Variants in NEDD1 observed in about 807,000 individuals in gnomAD.
The protein encoded by NEDD1 is NEDD1 gamma-tubulin ring complex targeting factor.
A neutral mutation model predicts 74.0 loss-of-function variants in NEDD1; 33 were observed. That is an observed-to-expected ratio of 0.45 (90% CI 0.34 to 0.60). The LOEUF is 0.60. Ranked by LOEUF, NEDD1 falls within the 20% of genes least tolerant of loss-of-function variation. The pLI is 0.01. For missense variants in NEDD1, 746 were observed against 776.5 expected (o/e 0.96, Z 0.47); for synonymous variants, 250 against 264.4 (o/e 0.95, Z 0.53).
chr12:96,932,829 A>G (rs146521457), intron 6 of NEDD1, among the ~76,000 whole-genome samples: 2 of 151,906 alleles, frequency 1.3e-5, no homozygotes, highest in Non-Finnish European at 2.9e-5. Flanking sequence ...CAGAAATGCT[A>G]TTTAATCCTC....
At chr12:96,945,888 C>A (rs911116179) in intron 14 of NEDD1, 39 bp downstream of exon 14, 3 of 1,362,232 alleles carry the variant, frequency 2.2e-6, no homozygotes, top group South Asian at 1.3e-5. Context: ...CTAGACCTTA[C>A]TTGTTTTTTT....
intron 14 of NEDD1, among the ~76,000 whole-genome samples, 196 bp from the exon 15 acceptor site, chr12:96,951,236 G>A (rs748148778): frequency 1.1e-4 from 17 of 151,746 alleles, no homozygotes; most frequent in South Asian, 2.1e-4. Flanking sequence ...TATTTTAAAC[G>A]AGTTCTTACA....
intron 4 of NEDD1, among the ~76,000 whole-genome samples, chr12:96,913,864 A>G (rs1874177182): frequency 6.6e-6 from 1 of 152,056 alleles, no homozygotes; most frequent in South Asian, 2.1e-4. Flanking sequence ...ATGAATTGTC[A>G]TAATTTTACA....
At chr12:96,951,269 C>T (rs1340460555) in intron 14 of NEDD1, among the ~76,000 whole-genome samples, 163 bp from the exon 15 acceptor site, 3 of 151,782 alleles carry the variant, frequency 2.0e-5, no homozygotes, top group Non-Finnish European at 4.4e-5. Context: ...GAAACAGTGC[C>T]TAGCACATAG....
In NEDD1 at chr12:96,940,412, T is replaced by G. The variant is rs1228070268; in HGVS notation, c.1121T>G (p.Leu374Trp). 6.3e-7 allele frequency: 1 copy of G among 1,578,312 alleles called. No individual in the cohort carries two copies. The highest frequency in any genetic ancestry group is 1.4e-5 in the African/African-American group (1 of 73,912). ...TTTTATATCTAATTCCTATAAGGTT[T>G]GCCTCGAAGCATAAACACAGACACT... ...GTVAVQEKAG[L>W]PRSINTDTLS... The change falls in exon 10 of 16, where the codon TTG (leucine) becomes TGG (tryptophan). Residue 374 changes from leucine to tryptophan, a missense_variant. Physicochemically the swap from Leu to Trp is moderately conservative, Grantham distance 61. Coordinates refer to ENST00000266742, the MANE Select transcript of NEDD1 (RefSeq NM_152905.4).
rs192554506 is a variant in NEDD1 at position 96,948,264 on chromosome 12, C to T, written c.1811+2415C>T. Among the ~76,000 whole-genome samples, 69 of 152,204 alleles carry T rather than the reference C, an allele frequency of 4.5e-4. 1 individual carries two copies. The highest frequency in any genetic ancestry group is 3.9e-3 in the Admixed American group (59 of 15,280). On this transcript the variant is annotated intron_variant, in intron 14 of 15. Coordinates refer to ENST00000266742, the MANE Select transcript of NEDD1 (RefSeq NM_152905.4). ...CTTGTCCCTACTTTTTTTACATGAG[C>T]GCTGAATGAAGGCTTGTGGGAAAAA...
At chr12:96,917,890 C>A (rs1312214957) in intron 5 of NEDD1, among the ~76,000 whole-genome samples, 153 bp downstream of exon 5, 1 of 152,050 alleles carries the variant, frequency 6.6e-6, no homozygotes, top group African/African-American at 2.4e-5. Flanking sequence ...TGCTATTTAG[C>A]CAAAAACTTA....
chr12:96,949,086 G>A (rs1878466375), intron 14 of NEDD1, among the ~76,000 whole-genome samples: 1 of 152,078 alleles, frequency 6.6e-6, no homozygotes, highest in Non-Finnish European at 1.5e-5. Context: ...CCCCCACCCA[G>A]CGAGACTATC....
intron 14 of NEDD1, among the ~76,000 whole-genome samples, chr12:96,948,253 T>C (rs1878388142): frequency 6.6e-6 from 1 of 152,182 alleles, no homozygotes; most frequent in African/African-American, 2.4e-5. Context: ...TCCCTACTTT[T>C]TTTACATGAG....
At chr12:96,912,479 G>A (rs113493649) in intron 3 of NEDD1, 4 of 319,730 alleles carry the variant, frequency 1.3e-5, no homozygotes, top group African/African-American at 8.6e-5. Context: ...ATTTCACGTG[G>A]GTTAAATAGC....
chr12:96,923,032 A>G (rs1875275351), intron 6 of NEDD1, among the ~76,000 whole-genome samples: 1 of 152,016 alleles, frequency 6.6e-6, no homozygotes. Context: ...CAGGATGATC[A>G]CTTGAGCCTG....
chr12:96,907,569 T>C, intron 1 of NEDD1, 35 bp from the exon 2 acceptor site: 1 of 1,545,416 alleles, frequency 6.5e-7, no homozygotes, highest in Non-Finnish European at 8.8e-7. Context: ...GTCTGTCTCC[T>C]TTTTTGTCAA....
Position 96,930,633 on chromosome 12 carries a change from C to T in NEDD1, c.490-4343C>T, listed in dbSNP as rs540544592. Among the ~76,000 whole-genome samples the T allele has an allele frequency of 4.2e-4, 64 of 152,224 alleles. 1 individual carries two copies. The South Asian group carries it at 0.013, about 31-fold the overall frequency. ...TCCCAGAAGGAAATTAGGTGTTCAG[C>T]TGTGGTTCAGCCTTAAACCATATCT... On this transcript the variant is annotated intron_variant, in intron 6 of 15. Transcript: ENST00000266742.
At chr12:96,913,803 G>C (rs1874167681) in intron 4 of NEDD1, among the ~76,000 whole-genome samples, 1 of 151,760 alleles carries the variant, frequency 6.6e-6, no homozygotes, top group Admixed American at 6.6e-5. Flanking sequence ...TATGGTAGTT[G>C]ATAGCTTTTT....
intron 6 of NEDD1, among the ~76,000 whole-genome samples, chr12:96,928,693 T>C (rs1284718258): frequency 6.9e-6 from 1 of 145,790 alleles, no homozygotes; most frequent in East Asian, 2.0e-4. Flanking sequence ...TTTTTTTTTT[T>C]TTTTTTTTTT....
intron 6 of NEDD1, chr12:96,924,963 TTA>T: frequency 2.5e-6 from 1 of 397,618 alleles, no homozygotes; most frequent in South Asian, 1.9e-5. Context: ...TAGATATCCT[TTA>T]TCTTATTAGG....
rs1018520298 is a variant in NEDD1, at chr12:96,952,662, A to G, written c.*609A>G. Reference sequence around the variant, plus strand: ...TGATATCTTTTGCATTTATGTTACTATATTGTACTTCTGACAAATCTTTAT... The same window carrying G: ...TGATATCTTTTGCATTTATGTTACTGTATTGTACTTCTGACAAATCTTTAT... On this transcript the variant is annotated 3_prime_UTR_variant, in exon 16 of 16. Transcript: ENST00000266742. 2 of 151,756 alleles carry G rather than the reference A, an allele frequency of 1.3e-5. No homozygotes were observed. Among genetic ancestry groups the G allele is most frequent in the Non-Finnish European group, 3.0e-5 (2 of 67,724 alleles). 9.4% of individuals were successfully genotyped at this position (151,756 alleles called of 1,614,324 possible).
intron 7 of NEDD1, among the ~76,000 whole-genome samples, chr12:96,936,285 G>T (rs758079177): frequency 7.2e-5 from 11 of 152,188 alleles, no homozygotes; most frequent in Admixed American, 4.6e-4. Flanking sequence ...GCCCCTGTTT[G>T]TGGCGTAATA....
At chr12:96,923,716 C>G (rs1203743663) in intron 6 of NEDD1, among the ~76,000 whole-genome samples, 1 of 151,210 alleles carries the variant, frequency 6.6e-6, no homozygotes, top group Non-Finnish European at 1.5e-5. Flanking sequence ...CAGGTAGATT[C>G]ATTTTGGGGA....
Sources: allele counts gnomAD v4.1 joint callset (sites outside exome capture counted in the v4.1 genomes callset), GRCh38; gene constraint gnomAD v4.1.1; transcripts MANE v1.5; gene names NCBI Gene and HGNC (gene_info 2026-07-23, HGNC 2026-07-21).